MYLK: variants seen among roughly 807,000 people sequenced by gnomAD.
MYLK encodes the protein myosin light chain kinase, also known as myosin light chain kinase, smooth muscle.
MYLK carries 106 observed loss-of-function variants against 203.4 expected under a neutral mutation model. The ratio of observed to expected loss-of-function variants is 0.52; its 90% confidence interval spans 0.45 to 0.61. The LOEUF is 0.61. Among genes scored for constraint, MYLK ranks in the 20% least tolerant of loss-of-function variants. MYLK has a pLI of 0.00. For synonymous variants in MYLK, 867 were observed against 959.5 expected (o/e 0.90, Z 1.78); for missense variants, 2,072 against 2,442.3 (o/e 0.85, Z 3.20).
chr3:123,811,194 T>C (rs1452726107), intron 3 of MYLK, among the ~76,000 whole-genome samples: 1 of 152,136 alleles, frequency 6.6e-6, no homozygotes, highest in Non-Finnish European at 1.5e-5. Flanking sequence ...AGAAAGTGCG[T>C]GTCCCCTCTC....
In MYLK at chr3:123,648,920, C is replaced by A; in HGVS notation, c.4415+51G>T. On this transcript the variant is annotated intron_variant, in intron 26 of 33. Coordinates refer to ENST00000360304, the MANE Select transcript of MYLK (RefSeq NM_053025.4). The surrounding 1 kb of genome is among the most constrained non-coding windows in gnomAD (Gnocchi z 4.5). Reference sequence around the variant, plus strand: ...GAGGCACTGAATCTAACTGTGAGACCCGCACCACCCTCACCCTGGGAGCCC... The same window carrying A: ...GAGGCACTGAATCTAACTGTGAGACACGCACCACCCTCACCCTGGGAGCCC... 1.3e-6 allele frequency: 2 copies of A among 1,513,790 alleles called. No individual in the cohort carries two copies. The highest frequency in any genetic ancestry group is 1.1e-5 in the South Asian group (1 of 88,854). 93.8% of individuals were successfully genotyped at this position (1,513,790 alleles called of 1,614,324 possible).
At chr3:123,671,680 CAA>C (rs969468438) in intron 20 of MYLK, among the ~76,000 whole-genome samples, 1 of 152,044 alleles carries the variant, frequency 6.6e-6, no homozygotes. Context: ...AGCAAGGAAA[CAA>C]GAGGGAATAT....
At position 123,666,287 on chromosome 3, in the gene MYLK, C is replaced by T. The variant is rs1240672229; in HGVS notation, c.3763G>A (p.Val1255Met). 6.2e-7 allele frequency: 1 copy of T among 1,614,240 alleles called. No individual in the cohort carries two copies. The stretch of plus-strand genomic sequence containing the variant: ...CCTGTCACTTTGCCAAACAGCTCCA[C>T]TGACTCTCCTGCGCGTACCTTCTGG... ...EDQKVRAGES[V>M]ELFGKVTGTQ... Residue 1255 changes from valine (V) to methionine (M), a missense_variant, in exon 22 of 34, where the codon GTG (valine) becomes ATG (methionine). By Grantham distance (21) the Val-to-Met change is conservative (BLOSUM62 1). This residue lies in a region of MYLK where 865 missense variants were observed against 1,016.0 expected (regional missense o/e 0.85). Transcript: ENST00000360304.
intron 4 of MYLK, among the ~76,000 whole-genome samples, chr3:123,782,849 C>A (rs1226142299): frequency 6.6e-6 from 1 of 152,180 alleles, no homozygotes; most frequent in Non-Finnish European, 1.5e-5. Context: ...AACACAGACA[C>A]TTAAAGAACT....
intron 2 of MYLK, among the ~76,000 whole-genome samples, chr3:123,844,299 G>A (rs1011764473): frequency 6.6e-6 from 1 of 152,156 alleles, no homozygotes; most frequent in Non-Finnish European, 1.5e-5. Context: ...TCCAGAGGGA[G>A]GAATCCATGG....
At chr3:123,748,686 T>C (rs1219638542) in intron 5 of MYLK, among the ~76,000 whole-genome samples, 1 of 152,256 alleles carries the variant, frequency 6.6e-6, no homozygotes, top group African/African-American at 2.4e-5. Flanking sequence ...TTTATTAAAA[T>C]GAATTTTACC....
At chr3:123,677,328 G>A (rs1012017576) in intron 20 of MYLK, among the ~76,000 whole-genome samples, 2 of 152,208 alleles carry the variant, frequency 1.3e-5, no homozygotes, top group South Asian at 2.1e-4. Flanking sequence ...CCAGAGGAAT[G>A]AAGGGCTTTG....
At chr3:123,656,844 G>A (rs1446687109) in intron 24 of MYLK, among the ~76,000 whole-genome samples, 1 of 152,206 alleles carries the variant, frequency 6.6e-6, no homozygotes, top group Admixed American at 6.5e-5. Flanking sequence ...AGGAACATGA[G>A]GCCGCTTGAA....
intron 20 of MYLK, among the ~76,000 whole-genome samples, chr3:123,668,885 G>C (rs544722110): frequency 6.6e-6 from 1 of 152,282 alleles, no homozygotes; most frequent in Non-Finnish European, 1.5e-5. Context: ...TTTGAGGCCA[G>C]GGACTTTTTT....
intron 3 of MYLK, among the ~76,000 whole-genome samples, chr3:123,825,899 C>T (rs1264011731): frequency 6.6e-6 from 1 of 152,216 alleles, no homozygotes; most frequent in Non-Finnish European, 1.5e-5. Context: ...GGTTGCATGC[C>T]CTCCTCTAAA....
chr3:123,761,932 C>T (rs1232894978), intron 4 of MYLK, among the ~76,000 whole-genome samples: 1 of 152,066 alleles, frequency 6.6e-6, no homozygotes, highest in East Asian at 1.9e-4. Context: ...GAGCCTGAGG[C>T]AGGAGAATCA....
chr3:123,668,019 T>C (rs72626347), intron 20 of MYLK, among the ~76,000 whole-genome samples: 17,814 of 152,162 alleles, frequency 0.12, 1,195 homozygotes, highest in East Asian at 0.36. Context: ...CTTCTTACTC[T>C]TACTTCCTCC....
At chr3:123,796,397 C>T (rs1477826471) in intron 3 of MYLK, among the ~76,000 whole-genome samples, 2 of 152,134 alleles carry the variant, frequency 1.3e-5, no homozygotes, top group East Asian at 3.8e-4. Context: ...GCCCTCTTGC[C>T]TCCTGTAAGC....
chr3:123,840,591 G>T (rs866738070), intron 2 of MYLK, among the ~76,000 whole-genome samples: 11 of 151,016 alleles, frequency 7.3e-5, no homozygotes, highest in African/African-American at 2.7e-4. Context: ...ATGAAAATAA[G>T]ATAAAGACAT....
chr3:123,801,093 C>A (rs1256169747), intron 3 of MYLK, among the ~76,000 whole-genome samples: 1 of 152,208 alleles, frequency 6.6e-6, no homozygotes, highest in Non-Finnish European at 1.5e-5. Flanking sequence ...AAATTAATGT[C>A]TGGCTAGTAG....
intron 2 of MYLK, among the ~76,000 whole-genome samples, chr3:123,854,214 A>C (rs2031140295): frequency 6.6e-6 from 1 of 151,142 alleles, no homozygotes; most frequent in South Asian, 2.1e-4. Context: ...TTGCCCAACC[A>C]ACCCAAAGAA....
intron 3 of MYLK, among the ~76,000 whole-genome samples, chr3:123,828,590 C>G (rs1415445851): frequency 2.0e-5 from 3 of 151,896 alleles, no homozygotes; most frequent in Non-Finnish European, 4.4e-5. Context: ...GGAACAGAAG[C>G]AAAAATAAAC....
chr3:123,651,507 GATATAGTGGTTC>G (rs957861139), intron 24 of MYLK, among the ~76,000 whole-genome samples: 7 of 152,152 alleles, frequency 4.6e-5, no homozygotes, highest in African/African-American at 1.4e-4. Flanking sequence ...GCTGCTGCCT[GATATAGTGGTTC>G]ACCAGTTGAG....
chr3:123,663,171 G>A (rs942395325), intron 23 of MYLK, among the ~76,000 whole-genome samples: 16 of 152,178 alleles, frequency 1.1e-4, no homozygotes, highest in Admixed American at 5.9e-4. Flanking sequence ...TGACAACAGC[G>A]GGAGACTGGT....
Sources: gnomAD v4.1 joint callset for allele counts (sites outside exome capture counted in the v4.1 genomes callset) on GRCh38, gnomAD v4.1.1 for gene constraint, gnomAD v4.1.1 regional missense constraint, Gnocchi (gnomAD v3.1) non-coding constraint, MANE v1.5 for transcripts, NCBI Gene and HGNC (gene_info 2026-07-23, HGNC 2026-07-21) for gene names.